The following LINGO2 variants were observed in gnomAD, a reference collection of about 807,000 sequenced individuals.
The protein encoded by LINGO2 is leucine-rich repeat and immunoglobulin-like domain-containing nogo receptor-interacting protein 2.
Under a neutral mutation model 30.6 loss-of-function variants are expected in LINGO2, and 14 were observed. That is an observed-to-expected ratio of 0.46 (90% confidence interval 0.30 to 0.72). The LOEUF is 0.72. Among genes scored for constraint, LINGO2 ranks in the 30% least tolerant of loss-of-function variants. The pLI is 0.07. For synonymous variants in LINGO2, 317 were observed against 288.5 expected, an observed-to-expected ratio of 1.10 and a Z score of -1.00; for missense variants, 729 against 751.7, an observed-to-expected ratio of 0.97 and a Z score of 0.35.
chr9:28,897,482 T>C, the LINGO2 span, among the ~76,000 whole-genome samples: 3 of 152,158 alleles, frequency 2.0e-5, no homozygotes, highest in Non-Finnish European at 2.9e-5. Context: ...CAATGAAAAG[T>C]ATCTTTAAGT....
chr9:27,980,529 G>C (rs1447213307), intron 5 of LINGO2, among the ~76,000 whole-genome samples: 1 of 151,894 alleles, frequency 6.6e-6, no homozygotes, highest in Non-Finnish European at 1.5e-5. Context: ...TCAATGTTTT[G>C]ACCGCTGCTA....
chr9:29,021,382 G>A, the LINGO2 span, among the ~76,000 whole-genome samples: 1 of 152,192 alleles, frequency 6.6e-6, no homozygotes, highest in Non-Finnish European at 1.5e-5. Flanking sequence ...GACTAGGCCA[G>A]GTGCGGTGGC....
chr9:28,489,526 G>C (rs1157567487), intron 1 of LINGO2, among the ~76,000 whole-genome samples: 1 of 152,036 alleles, frequency 6.6e-6, no homozygotes. Context: ...GGATAGGCCT[G>C]AACTTTTGTT....
exon 6 of LINGO2, chr9:27,949,473 G>C: frequency 3.1e-6 from 5 of 1,614,098 alleles, no homozygotes; most frequent in Non-Finnish European, 4.2e-6. Flanking sequence ...AAAAGAAAGG[G>C]CAGTGCTATG....
chr9:28,371,611 C>T (rs2134571286), intron 3 of LINGO2, among the ~76,000 whole-genome samples: 2 of 152,254 alleles, frequency 1.3e-5, no homozygotes, highest in South Asian at 4.1e-4. Flanking sequence ...AGGATAAAAA[C>T]ATTCAGGCCA....
the LINGO2 span, among the ~76,000 whole-genome samples, chr9:29,156,725 T>G: frequency 6.6e-6 from 1 of 152,076 alleles, no homozygotes; most frequent in South Asian, 2.1e-4. Context: ...GACAGGTCTT[T>G]GAGTATCAAT....
the LINGO2 span, among the ~76,000 whole-genome samples, chr9:28,988,268 T>G: frequency 6.6e-6 from 1 of 152,218 alleles, no homozygotes; most frequent in Non-Finnish European, 1.5e-5. Flanking sequence ...CTTCATCTTT[T>G]CATACAATAT....
At chr9:28,878,754 T>A in the LINGO2 span, among the ~76,000 whole-genome samples, 3 of 152,240 alleles carry the variant, frequency 2.0e-5, no homozygotes, top group South Asian at 6.2e-4. Flanking sequence ...ATTATCTCAA[T>A]AGATGCAGAA....
At chr9:29,124,710 G>A in the LINGO2 span, among the ~76,000 whole-genome samples, 4 of 152,112 alleles carry the variant, frequency 2.6e-5, no homozygotes, top group Admixed American at 1.3e-4. Flanking sequence ...ACCACAATAA[G>A]ATACCATCTC....
chr9:27,950,402 G>T (rs766202940), exon 6 of LINGO2: 3 of 1,614,020 alleles, frequency 1.9e-6, no homozygotes, highest in Non-Finnish European at 1.7e-6. Flanking sequence ...CAATGATGTT[G>T]TCACTCAAGT....
the LINGO2 span, among the ~76,000 whole-genome samples, chr9:29,069,042 T>G: frequency 1.3e-5 from 2 of 151,942 alleles, no homozygotes; most frequent in East Asian, 3.9e-4. Context: ...TGAGTAGACA[T>G]TCTAAGAAGG....
intron 2 of LINGO2, among the ~76,000 whole-genome samples, chr9:28,388,674 A>T (rs1821699275): frequency 6.6e-6 from 1 of 152,018 alleles, no homozygotes; most frequent in Non-Finnish European, 1.5e-5. Flanking sequence ...ATGATTTCTC[A>T]TCTGTGGTAT....
intron 5 of LINGO2, among the ~76,000 whole-genome samples, chr9:27,999,777 A>G (rs189250670): frequency 9.9e-5 from 15 of 152,278 alleles, no homozygotes; most frequent in African/African-American, 3.6e-4. Context: ...GACTTCTAGG[A>G]CTTGGGAACT....
At chr9:28,944,291 C>G in the LINGO2 span, among the ~76,000 whole-genome samples, 3 of 152,186 alleles carry the variant, frequency 2.0e-5, no homozygotes, top group African/African-American at 7.2e-5. Context: ...GGTAACATCA[C>G]ATTGGCCAGA....
chr9:28,324,969 G>T lies in LINGO2; in HGVS notation c.-245-29603C>A, dbSNP rs149739519. Among the ~76,000 whole-genome samples the T allele has an allele frequency of 7.0e-3, 1,070 of 151,952 alleles. 8 individuals carry two copies. Among genetic ancestry groups the T allele is most frequent in the Non-Finnish European group, 0.012 (834 of 67,982 alleles). On this transcript the variant is annotated intron_variant, in intron 3 of 5. Coordinates refer to ENST00000379992, the Ensembl canonical transcript of LINGO2. ...TTTCCAGTAACATAGTCAGTACCAG[G>T]TGTGACTATGGAGCAGCAAACTAAA...
chr9:28,594,961 G>A (rs1013364459), intron 1 of LINGO2, among the ~76,000 whole-genome samples: 1 of 152,070 alleles, frequency 6.6e-6, no homozygotes, highest in Non-Finnish European at 1.5e-5. Flanking sequence ...TAAAACGTAA[G>A]ATTTCATTTG....
At chr9:28,690,205 C>A in the LINGO2 span, among the ~76,000 whole-genome samples, 1 of 152,060 alleles carries the variant, frequency 6.6e-6, no homozygotes, top group Non-Finnish European at 1.5e-5. Flanking sequence ...ACTTGTACAT[C>A]TGCACATGTA....
chr9:29,089,232 A>G, the LINGO2 span, among the ~76,000 whole-genome samples: 2,550 of 151,500 alleles, frequency 0.017, 65 homozygotes, highest in African/African-American at 0.057. Context: ...TATTATTTAT[A>G]GCAATATAGT....
chr9:28,470,525 G>T (rs971791089), intron 2 of LINGO2, among the ~76,000 whole-genome samples: 1 of 152,146 alleles, frequency 6.6e-6, no homozygotes, highest in African/African-American at 2.4e-5. Flanking sequence ...TAGGCCCTCT[G>T]TCAAGATCAT....
Sources: gnomAD v4.1 joint callset for allele counts (sites outside exome capture counted in the v4.1 genomes callset) on GRCh38, gnomAD v4.1.1 for gene constraint, MANE v1.5 for transcripts, NCBI Gene and HGNC (gene_info 2026-07-23, HGNC 2026-07-21) for gene names.